Variants in SCFD1 observed in about 807,000 individuals in gnomAD.
SCFD1 encodes sec1 family domain-containing protein 1.
A neutral mutation model predicts 103.2 loss-of-function variants in SCFD1; 37 were observed. The ratio of observed to expected loss-of-function variants is 0.36; its 90% CI spans 0.28 to 0.47. SCFD1 has a LOEUF of 0.47. Among genes scored for constraint, SCFD1 ranks in the 20% least tolerant of loss-of-function variants. The probability of loss-of-function intolerance (pLI) is 1.00; values close to 1 mark genes in which losing one functional copy is unlikely to be tolerated. For synonymous variants in SCFD1, 264 were observed against 245.0 expected (o/e 1.08, Z -0.73); for missense variants, 639 against 761.2 (o/e 0.84, Z 1.89).
intron 23 of SCFD1, among the ~76,000 whole-genome samples, chr14:30,728,248 TACC>T (rs1209007950): frequency 2.0e-5 from 3 of 152,230 alleles, no homozygotes; most frequent in Non-Finnish European, 2.9e-5. Context: ...TGTCTCTCAT[TACC>T]ACTTTGAAAA....
rs753155635 is a variant in SCFD1 at position 30,722,565 on chromosome 14, TTTTA to T, written c.1836+11_1836+14del. On this transcript the variant is annotated splice_region_variant and intron_variant, in intron 23 of 24. Transcript: ENST00000458591. ...ATCTTGTTGACTACATAAAGGTACA[TTTTA>T]TTTAGCCTTTTTATTCTGTTGTTAG... The T allele has an allele frequency of 6.3e-7, 1 of 1,576,864 alleles. No homozygotes were observed. The highest frequency in any genetic ancestry group is 8.7e-7 in the Non-Finnish European group (1 of 1,153,480).
At chr14:30,705,533 G>C (rs1295411039) in intron 17 of SCFD1, among the ~76,000 whole-genome samples, 1 of 152,148 alleles carries the variant, frequency 6.6e-6, no homozygotes, top group Admixed American at 6.5e-5. Flanking sequence ...CACTTTGGGA[G>C]GCCAAGTTGG....
intron 14 of SCFD1, 152 bp from the exon 15 acceptor site, chr14:30,694,621 C>A: frequency 8.3e-7 from 1 of 1,202,766 alleles, no homozygotes; most frequent in Non-Finnish European, 1.1e-6. Flanking sequence ...CACCACTGTA[C>A]TTCAGCCTGG....
intron 7 of SCFD1, among the ~76,000 whole-genome samples, chr14:30,645,488 G>A (rs1017437988): frequency 3.9e-5 from 6 of 152,130 alleles, no homozygotes; most frequent in East Asian, 1.9e-4. Flanking sequence ...CCATTTGTTT[G>A]TGTCATCTCT....
chr14:30,700,332 CAG>C, intron 16 of SCFD1, 74 bp downstream of exon 16: 1 of 1,011,786 alleles, frequency 9.9e-7, no homozygotes, highest in Non-Finnish European at 1.5e-6. Context: ...GATTTTAAAA[CAG>C]AAGTAAAAAT....
At chr14:30,643,054 TC>T (rs1885445571) in intron 6 of SCFD1, among the ~76,000 whole-genome samples, 1 of 151,974 alleles carries the variant, frequency 6.6e-6, no homozygotes, top group Admixed American at 6.6e-5. Flanking sequence ...GTGCCTGTGG[TC>T]CCAGCTATTC....
At chr14:30,631,397 G>A (rs1884113399) in intron 3 of SCFD1, among the ~76,000 whole-genome samples, 2 of 151,950 alleles carry the variant, frequency 1.3e-5, no homozygotes, top group Admixed American at 6.6e-5. Context: ...ATAAACTGTT[G>A]AATATCTCAC....
intron 9 of SCFD1, among the ~76,000 whole-genome samples, chr14:30,652,939 G>A (rs1239530950): frequency 6.6e-6 from 1 of 152,046 alleles, no homozygotes; most frequent in African/African-American, 2.4e-5. Context: ...AGCCTGGGAA[G>A]TCAAGGCTGC....
chr14:30,699,684 A>G (rs559151975), intron 15 of SCFD1, among the ~76,000 whole-genome samples: 9 of 152,260 alleles, frequency 5.9e-5, no homozygotes, highest in South Asian at 2.1e-4. Context: ...GGGCCCCCCA[A>G]TTTGAGAAGT....
intron 10 of SCFD1, among the ~76,000 whole-genome samples, chr14:30,654,618 G>A (rs229212): frequency 1.5e-4 from 23 of 151,806 alleles, no homozygotes; most frequent in African/African-American, 5.3e-4. Context: ...AGGTTGCAGT[G>A]GGCCAAGATT....
At chr14:30,719,277 C>T in intron 20 of SCFD1, 48 bp from the exon 21 acceptor site, 1 of 1,230,930 alleles carries the variant, frequency 8.1e-7, no homozygotes, top group Non-Finnish European at 1.2e-6. Context: ...AACTGACCTT[C>T]TGAAGAGAAA....
intron 10 of SCFD1, among the ~76,000 whole-genome samples, chr14:30,665,501 C>G (rs948279017): frequency 5.3e-5 from 8 of 152,120 alleles, no homozygotes; most frequent in Non-Finnish European, 2.9e-5. Flanking sequence ...GCAGAATAAC[C>G]AGCAAATATC....
chr14:30,704,182 AT>A (rs927442768), intron 17 of SCFD1, among the ~76,000 whole-genome samples: 1 of 151,254 alleles, frequency 6.6e-6, no homozygotes, highest in African/African-American at 2.4e-5. Context: ...CATATGACAG[AT>A]TTTTTTTCTA....
At chr14:30,677,217 C>T (rs956663856) in intron 14 of SCFD1, among the ~76,000 whole-genome samples, 64 of 152,228 alleles carry the variant, frequency 4.2e-4, no homozygotes, top group African/African-American at 1.5e-3. Flanking sequence ...GGCTGGAGTA[C>T]AGTGGCACAA....
intron 7 of SCFD1, among the ~76,000 whole-genome samples, chr14:30,647,387 C>G (rs1356491173): frequency 6.6e-6 from 1 of 151,808 alleles, no homozygotes; most frequent in Non-Finnish European, 1.5e-5. Context: ...ATTTCCAGCC[C>G]TGAGCTCCAA....
chr14:30,660,616 A>G (rs986722792), intron 10 of SCFD1, among the ~76,000 whole-genome samples: 3 of 152,200 alleles, frequency 2.0e-5, no homozygotes, highest in Non-Finnish European at 4.4e-5. Flanking sequence ...GCTTATATAA[A>G]TAACTTTTTT....
chr14:30,683,305 A>G (rs34093148), intron 14 of SCFD1: 15,669 of 768,728 alleles, frequency 0.02, 236 homozygotes, highest in African/African-American at 0.053. Flanking sequence ...GCAGGGTGTG[A>G]GGAATTTCAC....
intron 10 of SCFD1, among the ~76,000 whole-genome samples, chr14:30,657,303 C>T (rs1887000784): frequency 6.6e-6 from 1 of 152,118 alleles, no homozygotes; most frequent in Non-Finnish European, 1.5e-5. Flanking sequence ...TCTCCATTGT[C>T]AGAAGAGGAA....
At chr14:30,675,768 A>G (rs1888984124) in intron 14 of SCFD1, among the ~76,000 whole-genome samples, 1 of 152,186 alleles carries the variant, frequency 6.6e-6, no homozygotes, top group Non-Finnish European at 1.5e-5. Flanking sequence ...AAAGCTGAAT[A>G]TAATTGCTGG....
Sources: allele counts gnomAD v4.1 joint callset (sites outside exome capture counted in the v4.1 genomes callset), GRCh38; gene constraint gnomAD v4.1.1; transcripts MANE v1.5; gene names NCBI Gene and HGNC (gene_info 2026-07-23, HGNC 2026-07-21).